The following KLHL29 variants were observed in gnomAD, a reference collection of about 807,000 sequenced individuals.
KLHL29 encodes the protein kelch like family member 29, also known as kelch-like protein 29.
KLHL29 carries 21 observed loss-of-function variants against 80.4 expected under a neutral mutation model. The observed-to-expected ratio is 0.26, with a 90% CI of 0.19 to 0.38. The LOEUF is 0.38. Ranked by LOEUF, KLHL29 falls within the 10% of genes least tolerant of loss-of-function variation. The pLI, the probability that KLHL29 is intolerant of heterozygous loss-of-function variation, is 1.00. For missense variants in KLHL29, 867 were observed against 1,223.9 expected, an observed-to-expected ratio of 0.71 and a Z score of 4.35; for synonymous variants, 511 against 526.8, an observed-to-expected ratio of 0.97 and a Z score of 0.41.
intron 2 of KLHL29, among the ~76,000 whole-genome samples, chr2:23,477,262 G>A (rs1343748900): frequency 6.6e-6 from 1 of 152,234 alleles, no homozygotes; most frequent in East Asian, 1.9e-4. Context: ...CTGCAGCAGG[G>A]GCAGAACATC....
chr2:23,532,871 A>C (rs1248407658), intron 2 of KLHL29, among the ~76,000 whole-genome samples: 2 of 152,182 alleles, frequency 1.3e-5, no homozygotes, highest in Admixed American at 6.5e-5. Flanking sequence ...GAGAGAGACG[A>C]ACTTTTGTTG....
At chr2:23,692,473 A>T (rs1376146166) in intron 7 of KLHL29, among the ~76,000 whole-genome samples, 1 of 152,222 alleles carries the variant, frequency 6.6e-6, no homozygotes, top group Non-Finnish European at 1.5e-5. Flanking sequence ...GAAAGCCCCC[A>T]AAGAAGCAGT....
chr2:23,693,555 T>C (rs1671757516), intron 8 of KLHL29, 27 bp downstream of exon 8: 1 of 1,536,112 alleles, frequency 6.5e-7, no homozygotes, highest in Non-Finnish European at 8.8e-7. Flanking sequence ...CCCCCGCCCC[T>C]TCTCTCTGGG....
intron 3 of KLHL29, among the ~76,000 whole-genome samples, chr2:23,603,190 G>T (rs1558404751): frequency 6.6e-6 from 1 of 152,148 alleles, no homozygotes; most frequent in Non-Finnish European, 1.5e-5. Flanking sequence ...GCCTTCCCTG[G>T]ACCCTGGAAC....
chr2:23,514,670 C>G (rs1261861887), intron 2 of KLHL29, among the ~76,000 whole-genome samples: 1 of 152,170 alleles, frequency 6.6e-6, no homozygotes, highest in Non-Finnish European at 1.5e-5. Flanking sequence ...GATGATGTTG[C>G]TTGATTTCTT....
chr2:23,660,002 G>T (rs1259057516), intron 5 of KLHL29, among the ~76,000 whole-genome samples: 1 of 152,062 alleles, frequency 6.6e-6, no homozygotes, highest in Non-Finnish European at 1.5e-5. Context: ...CCACAGCACT[G>T]CACCTGCTCA....
At position 23,693,480 on chromosome 2, in the gene KLHL29, C is replaced by T. The variant is rs930862253; in HGVS notation, c.1494C>T (p.Tyr498=). 44 of 1,551,496 alleles carry T rather than the reference C, an allele frequency of 2.8e-5. No individual in the cohort carries two copies. The highest frequency in any genetic ancestry group is 3.4e-5 in the Non-Finnish European group (39 of 1,146,928). ...SLNTKAEELV[Y]ETVIKWIKKD... is the part of the protein sequence containing the mutation. ...ACACCAAGGCTGAGGAGCTGGTGTA[C>T]GAGACAGTCATCAAGTGGATCAAGA... Residue 498 remains tyrosine, a synonymous_variant, in exon 8 of 14, where the codon TAC becomes TAT. Coordinates refer to ENST00000486442, the MANE Select transcript of KLHL29 (RefSeq NM_052920.2).
intron 1 of KLHL29, among the ~76,000 whole-genome samples, chr2:23,453,315 C>A (rs1312819058): frequency 6.6e-6 from 1 of 152,188 alleles, no homozygotes; most frequent in East Asian, 1.9e-4. Flanking sequence ...CCGGGAACTA[C>A]CTGTCCTGTG....
chr2:23,628,783 C>T (rs536206667), intron 3 of KLHL29, among the ~76,000 whole-genome samples: 1 of 152,290 alleles, frequency 6.6e-6, no homozygotes, highest in East Asian at 1.9e-4. Context: ...GGGACTTTTC[C>T]TCACCAGCTT....
chr2:23,528,910 T>G (rs1305266125), intron 2 of KLHL29, among the ~76,000 whole-genome samples: 1 of 152,132 alleles, frequency 6.6e-6, no homozygotes, highest in East Asian at 1.9e-4. Context: ...TAGAACCGAG[T>G]CTGCAAGTTG....
At chr2:23,653,887 C>T (rs576599899) in intron 5 of KLHL29, among the ~76,000 whole-genome samples, 1 of 152,290 alleles carries the variant, frequency 6.6e-6, no homozygotes, top group East Asian at 1.9e-4. Flanking sequence ...CAGCTTCGGC[C>T]AGGCACGGTG....
chr2:23,704,721 C>T (rs113392291), intron 13 of KLHL29, among the ~76,000 whole-genome samples: 12,145 of 152,210 alleles, frequency 0.08, 586 homozygotes, highest in South Asian at 0.13. Flanking sequence ...GAGCCGAGAT[C>T]GCGCCACGGC....
chr2:23,671,880 T>G (rs944177506), intron 5 of KLHL29: 6 of 152,340 alleles, frequency 3.9e-5, no homozygotes, highest in African/African-American at 1.4e-4. Context: ...ACTGTCTCTG[T>G]GACGGGCCTG....
intron 1 of KLHL29, among the ~76,000 whole-genome samples, chr2:23,419,407 A>G (rs1164571124): frequency 6.6e-6 from 1 of 151,614 alleles, no homozygotes; most frequent in African/African-American, 2.4e-5. Flanking sequence ...CAGCCATCAC[A>G]GGAGCTGCAG....
rs535286055 is a variant in KLHL29 at position 23,433,970 on chromosome 2, C to T, written c.-153-41590C>T. ...TTCAAGATCCAAGTGCAGTAAGTTTCGTTAGTGTTTGAGGGTATGTGTCTG... is the reference window on the plus strand; with the variant it reads ...TTCAAGATCCAAGTGCAGTAAGTTTTGTTAGTGTTTGAGGGTATGTGTCTG... On this transcript the variant is annotated intron_variant, in intron 1 of 13. Coordinates refer to ENST00000486442, the MANE Select transcript of KLHL29 (RefSeq NM_052920.2). Among the ~76,000 whole-genome samples the T allele has an allele frequency of 1.8e-4, 27 of 151,914 alleles. No individual in the cohort carries two copies. The East Asian group carries it at 4.5e-3, about 25-fold the overall frequency.
chr2:23,526,015 A>C (rs2103473967), intron 2 of KLHL29, among the ~76,000 whole-genome samples: 1 of 152,342 alleles, frequency 6.6e-6, no homozygotes, highest in East Asian at 1.9e-4. Flanking sequence ...TTGTGTCCTC[A>C]GAAGCGTGGA....
At chr2:23,462,536 C>A (rs1293146679) in intron 1 of KLHL29, among the ~76,000 whole-genome samples, 2 of 152,192 alleles carry the variant, frequency 1.3e-5, no homozygotes, top group African/African-American at 4.8e-5. Flanking sequence ...ACAGAGAATT[C>A]TCTGGGCTTC....
intron 3 of KLHL29, among the ~76,000 whole-genome samples, chr2:23,618,647 C>G (rs1176528621): frequency 6.6e-6 from 1 of 152,122 alleles, no homozygotes; most frequent in Non-Finnish European, 1.5e-5. Flanking sequence ...AACTGCAGAT[C>G]GCGGGACTTC....
chr2:23,684,313 T>C lies in KLHL29; in HGVS notation c.941-86T>C. ...AAGTATTTCCTATTTCTCTACTTCT[T>C]GAAAAAAGAAAAAAAACTTTTTTTA... On this transcript the variant is annotated intron_variant, in intron 5 of 13. Transcript: ENST00000486442. The surrounding 1 kb of genome is among the most constrained non-coding windows in gnomAD (Gnocchi z 4.4). The C allele has an allele frequency of 9.4e-7, 1 of 1,063,646 alleles. No individual in the cohort carries two copies. The highest frequency in any genetic ancestry group is 1.3e-6 in the Non-Finnish European group (1 of 797,756). 65.9% of individuals were successfully genotyped at this position (1,063,646 alleles called of 1,614,324 possible).
Sources: allele counts gnomAD v4.1 joint callset (sites outside exome capture counted in the v4.1 genomes callset), GRCh38; gene constraint gnomAD v4.1.1; non-coding constraint Gnocchi (gnomAD v3.1); transcripts MANE v1.5; gene names NCBI Gene and HGNC (gene_info 2026-07-23, HGNC 2026-07-21).